SUMF1: variants seen among roughly 807,000 people sequenced by gnomAD.
SUMF1 encodes formylglycine-generating enzyme.
A neutral mutation model predicts 47.6 loss-of-function variants in SUMF1; 48 were observed. The observed-to-expected ratio is 1.01, with a 90% confidence interval of 0.80 to 1.28. The LOEUF (loss-of-function observed/expected upper bound fraction) is 1.28, where lower values mean the gene tolerates loss of function less well. Among genes scored for constraint, SUMF1 ranks in the 50% most tolerant of loss-of-function variants. The pLI is 0.00. For missense variants in SUMF1, 571 were observed against 485.4 expected (o/e 1.18, Z -1.66); for synonymous variants, 230 against 192.1 (o/e 1.20, Z -1.63).
chr3:4,121,677 A>T (rs182591504), intron 8 of SUMF1, among the ~76,000 whole-genome samples: 1 of 152,318 alleles, frequency 6.6e-6, no homozygotes, highest in Admixed American at 6.5e-5. Flanking sequence ...TAAGGATTCA[A>T]ATAAGTGCCT....
At chr3:4,051,289 C>G (rs1178092250) in intron 9 of SUMF1, among the ~76,000 whole-genome samples, 1 of 151,784 alleles carries the variant, frequency 6.6e-6, no homozygotes, top group African/African-American at 2.4e-5. Context: ...ATCTCCACAT[C>G]CCTCCTGAGC....
At chr3:4,081,598 A>T (rs535245445) in intron 8 of SUMF1, among the ~76,000 whole-genome samples, 1 of 152,294 alleles carries the variant, frequency 6.6e-6, no homozygotes, top group Non-Finnish European at 1.5e-5. Flanking sequence ...CTCAAAGAGT[A>T]CTTCTGCCAC....
intron 8 of SUMF1, among the ~76,000 whole-genome samples, chr3:4,097,811 C>T (rs1190158321): frequency 3.3e-5 from 5 of 152,112 alleles, no homozygotes; most frequent in Non-Finnish European, 7.3e-5. Flanking sequence ...CCCTTTCTTA[C>T]ATCCAGCAGT....
chr3:4,446,709 GA>G (rs376769613), intron 3 of SUMF1, among the ~76,000 whole-genome samples: 2 of 152,260 alleles, frequency 1.3e-5, no homozygotes, highest in South Asian at 2.1e-4. Context: ...CAACTTGCAG[GA>G]AATACAGAGG....
chr3:4,310,146 A>G (rs551338788), intron 8 of SUMF1, among the ~76,000 whole-genome samples: 1 of 152,346 alleles, frequency 6.6e-6, no homozygotes, highest in East Asian at 1.9e-4. Flanking sequence ...CTACCATTGT[A>G]TATGCATATA....
At chr3:4,351,193 T>C (rs899931827) in intron 8 of SUMF1, among the ~76,000 whole-genome samples, 2 of 149,552 alleles carry the variant, frequency 1.3e-5, no homozygotes, top group Non-Finnish European at 2.9e-5. Context: ...ATTACAAATG[T>C]GAATATGTTT....
Position 4,141,861 on chromosome 3 carries a change from T to C in SUMF1, c.1015-73116A>G, listed in dbSNP as rs573633373. Among the ~76,000 whole-genome samples, 4 of 152,174 alleles carry C rather than the reference T, an allele frequency of 2.6e-5. No individual in the cohort carries two copies. The South Asian group carries it at 8.3e-4, about 32-fold the overall frequency. On this transcript the variant is annotated intron_variant and NMD_transcript_variant, in intron 8 of 12. Transcript: ENST00000448413. ...TACGTCTCCAGCACAAAATGAAGGT[T>C]TGGGACCTTTTCCACTCATCCAACA...
At chr3:4,417,632 A>G (rs1199971459) in intron 5 of SUMF1, among the ~76,000 whole-genome samples, 1 of 152,234 alleles carries the variant, frequency 6.6e-6, no homozygotes, top group South Asian at 2.1e-4. Flanking sequence ...TGTGAACCCA[A>G]CATGAGTTTT....
At chr3:4,363,524 T>C (rs1294818563) in intron 8 of SUMF1, among the ~76,000 whole-genome samples, 1 of 151,742 alleles carries the variant, frequency 6.6e-6, no homozygotes, top group Non-Finnish European at 1.5e-5. Flanking sequence ...GCTCTCTGTT[T>C]GTCTGTTATT....
intron 7 of SUMF1, among the ~76,000 whole-genome samples, chr3:4,383,119 C>T (rs1439040955): frequency 6.6e-6 from 1 of 151,938 alleles, no homozygotes; most frequent in Non-Finnish European, 1.5e-5. Context: ...TGGCTCATGC[C>T]TATAATCCCA....
intron 8 of SUMF1, among the ~76,000 whole-genome samples, chr3:4,355,088 G>T (rs911670573): frequency 2.0e-5 from 3 of 152,158 alleles, no homozygotes; most frequent in Non-Finnish European, 4.4e-5. Flanking sequence ...AGTGGCTCAC[G>T]CCTGTAATCC....
chr3:4,412,561 G>A (rs1465558301), intron 6 of SUMF1, among the ~76,000 whole-genome samples: 3 of 152,160 alleles, frequency 2.0e-5, no homozygotes, highest in Non-Finnish European at 4.4e-5. Flanking sequence ...GGAATACAAG[G>A]AAAGGAGCCA....
chr3:4,087,138 G>A lies in SUMF1; in HGVS notation c.1015-18393C>T, dbSNP rs114594992. Among the ~76,000 whole-genome samples, 1,153 of 152,224 alleles carry A rather than the reference G, an allele frequency of 7.6e-3. 16 individuals carry two copies. The highest frequency in any genetic ancestry group is 0.026 in the African/African-American group (1,078 of 41,504). On this transcript the variant is annotated intron_variant and NMD_transcript_variant, in intron 8 of 12. Coordinates refer to the SUMF1 transcript ENST00000448413. ...CTATGGCGCTGAGCAACTTTGGAGCGAATGGCTGATAAAGGTACTGGAAAG... is the reference window on the plus strand; with the variant it reads ...CTATGGCGCTGAGCAACTTTGGAGCAAATGGCTGATAAAGGTACTGGAAAG...
At chr3:4,417,910 T>C in intron 5 of SUMF1, 100 bp downstream of exon 5, 4 of 1,577,928 alleles carry the variant, frequency 2.5e-6, no homozygotes, top group Non-Finnish European at 2.6e-6. Flanking sequence ...ATTGTCGTTA[T>C]TAACTTTCTA....
At chr3:4,372,275 T>A (rs1484796149) in intron 8 of SUMF1, among the ~76,000 whole-genome samples, 1 of 152,144 alleles carries the variant, frequency 6.6e-6, no homozygotes, top group Non-Finnish European at 1.5e-5. Context: ...CACTCCAGCC[T>A]GGGTCACAGA....
chr3:4,140,821 G>A (rs562088742), intron 8 of SUMF1, among the ~76,000 whole-genome samples: 92 of 152,086 alleles, frequency 6.0e-4, no homozygotes, highest in South Asian at 2.9e-3. Flanking sequence ...AACTCTAGCT[G>A]TAAACTTTTT....
intron 7 of SUMF1, among the ~76,000 whole-genome samples, chr3:4,379,248 C>G (rs2633850): frequency 0.3 from 46,244 of 152,092 alleles, 8,100 homozygotes; most frequent in Non-Finnish European, 0.41. Context: ...TGACCTGATT[C>G]GGAAATAGGA....
intron 8 of SUMF1, among the ~76,000 whole-genome samples, chr3:4,253,965 G>C (rs573818569): frequency 1.3e-5 from 2 of 150,684 alleles, no homozygotes; most frequent in Admixed American, 6.6e-5. Flanking sequence ...CCTGACCCCC[G>C]AGCAGCCTAA....
intron 8 of SUMF1, among the ~76,000 whole-genome samples, chr3:4,111,653 C>T (rs1693309780): frequency 6.6e-6 from 1 of 151,886 alleles, no homozygotes; most frequent in Non-Finnish European, 1.5e-5. Context: ...GCAAGACAAT[C>T]GATTGAACCC....
Sources: gnomAD v4.1 joint callset for allele counts (sites outside exome capture counted in the v4.1 genomes callset) on GRCh38, gnomAD v4.1.1 for gene constraint, MANE v1.5 for transcripts, NCBI Gene and HGNC (gene_info 2026-07-23, HGNC 2026-07-21) for gene names.